PHF21A: variants seen among roughly 807,000 people sequenced by gnomAD.
PHF21A encodes the protein PHD finger protein 21A.
Under a neutral mutation model 82.5 loss-of-function variants are expected in PHF21A, and 11 were observed. The ratio of observed to expected loss-of-function variants is 0.13; its 90% CI spans 0.08 to 0.22. The LOEUF is 0.22. Ranked by LOEUF, PHF21A falls within the 10% of genes least tolerant of loss-of-function variation. PHF21A has a pLI of 1.00. For missense variants in PHF21A, 579 were observed against 837.8 expected (o/e 0.69, Z 3.81); for synonymous variants, 297 against 302.8 (o/e 0.98, Z 0.20).
At chr11:46,104,228 C>A (rs1279103029) in intron 1 of PHF21A, among the ~76,000 whole-genome samples, 1 of 152,110 alleles carries the variant, frequency 6.6e-6, no homozygotes, top group African/African-American at 2.4e-5. Context: ...AGTTGTTACA[C>A]CCAAGCATGA....
chr11:45,990,250 C>CTTT lies in PHF21A; in HGVS notation c.154-10287_154-10285dup, dbSNP rs201187984. 7.1e-5 allele frequency among the ~76,000 whole-genome samples: 4 copies of CTTT among 56,276 alleles called. 1 individual carries two copies. Among genetic ancestry groups the CTTT allele is most frequent in the Non-Finnish European group, 1.4e-4 (3 of 20,870 alleles). The allele number at this position is 56,276 out of a possible 152,430, so 36.9% of individuals were successfully genotyped here. A position where few individuals can be genotyped will look rare whatever the true frequency, so the allele number is the denominator to read the frequency against. ...AAATCATTTATAGCATTTTCATCTT[C>CTTT]TTTTTTTTTTTTTTTTTTTTTTTTT... is the stretch of plus-strand genomic sequence containing the variant. On this transcript the variant is annotated intron_variant, in intron 6 of 18. Transcript: ENST00000676320.
chr11:45,994,660 G>A (rs2094840154), intron 6 of PHF21A, among the ~76,000 whole-genome samples: 1 of 152,214 alleles, frequency 6.6e-6, no homozygotes, highest in South Asian at 2.1e-4. Context: ...GTAAGAACAA[G>A]ATGTCAGGGG....
At chr11:45,948,198 A>C (rs2091573707) in intron 14 of PHF21A, among the ~76,000 whole-genome samples, 2 of 152,204 alleles carry the variant, frequency 1.3e-5, no homozygotes, top group African/African-American at 4.8e-5. Flanking sequence ...TCAAACCCTG[A>C]GCTGTTAAGA....
intron 6 of PHF21A, among the ~76,000 whole-genome samples, chr11:46,057,703 C>T (rs946245765): frequency 6.6e-6 from 1 of 152,116 alleles, no homozygotes; most frequent in Admixed American, 6.6e-5. Flanking sequence ...CTAGAACTTA[C>T]CCTAGCTCAC....
chr11:45,960,876 T>C (rs2093032660), intron 10 of PHF21A, among the ~76,000 whole-genome samples: 1 of 152,212 alleles, frequency 6.6e-6, no homozygotes, highest in African/African-American at 2.4e-5. Flanking sequence ...TTGGCAACTT[T>C]TAAAAACATC....
chr11:46,001,624 C>G (rs539190715), intron 6 of PHF21A, among the ~76,000 whole-genome samples: 159 of 152,196 alleles, frequency 1.0e-3, no homozygotes, highest in African/African-American at 3.8e-3. Context: ...TTCTTTTCCC[C>G]CATGCTTACA....
In PHF21A at chr11:46,076,770, G is replaced by A. The variant is rs774167900; in HGVS notation, c.137C>T (p.Ala46Val). The change falls in exon 6 of 19, where the codon GCT (alanine) becomes GTT (valine). Residue 46 changes from alanine (A) to valine (V), a missense_variant. Physicochemically the swap from Ala to Val is moderately conservative, Grantham distance 64. Coordinates refer to ENST00000676320, the MANE Select transcript of PHF21A (RefSeq NM_001352027.3). ...QLHELQAKITALSEKQKRVVE... is the reference protein window; with the variant it reads ...QLHELQAKITVLSEKQKRVVE... ...TTCCCCTACCTGTTTCTCACTCAAA[G>A]CTGTGATTTTGGCTTGGAGTTCATG... 2 of 1,612,364 alleles carry A rather than the reference G, an allele frequency of 1.2e-6. No homozygotes were observed. Among genetic ancestry groups the A allele is most frequent in the Non-Finnish European group, 1.7e-6 (2 of 1,178,798 alleles).
chr11:45,982,662 T>C (rs2094345834), intron 6 of PHF21A, among the ~76,000 whole-genome samples: 1 of 152,158 alleles, frequency 6.6e-6, no homozygotes, highest in African/African-American at 2.4e-5. Context: ...AATTAAGTAA[T>C]TATTTAGAGT....
At chr11:46,054,883 C>T (rs898488324) in intron 6 of PHF21A, among the ~76,000 whole-genome samples, 3 of 152,064 alleles carry the variant, frequency 2.0e-5, no homozygotes, top group African/African-American at 4.8e-5. Flanking sequence ...TAACCAGTAA[C>T]GACTAGGACC....
intron 6 of PHF21A, among the ~76,000 whole-genome samples, chr11:46,067,385 A>G (rs1354082270): frequency 6.6e-6 from 1 of 152,224 alleles, no homozygotes; most frequent in Non-Finnish European, 1.5e-5. Flanking sequence ...GTGACGTAGT[A>G]ACATTGCAGA....
At position 46,047,372 on chromosome 11, in the gene PHF21A, T is replaced by C. The variant is rs77892629; in HGVS notation, c.153+29382A>G. Among the ~76,000 whole-genome samples, 178 of 152,324 alleles carry C rather than the reference T, an allele frequency of 1.2e-3. 4 individuals carry two copies. The East Asian group carries it at 0.03, about 25-fold the overall frequency. Reference sequence around the variant, plus strand: ...CTCCTTGATGGTTTATCATGAAGCATTTTTATAGGCTGGTAAGGTATTTTA... The same window carrying C: ...CTCCTTGATGGTTTATCATGAAGCACTTTTATAGGCTGGTAAGGTATTTTA... On this transcript the variant is annotated intron_variant, in intron 6 of 18. Transcript: ENST00000676320.
chr11:45,979,816 G>T lies in PHF21A; in HGVS notation c.304C>A (p.His102Asn), dbSNP rs772466588. The change falls in exon 7 of 19, where the codon CAC becomes AAC. Residue 102 changes from histidine to asparagine, a missense_variant. His to Asn is a moderately conservative substitution (Grantham distance 68). Around this residue, in one of 3 missense-constraint regions of PHF21A, gnomAD observed 410 missense variants for 642.1 expected, o/e 0.64. Transcript: ENST00000676320. ...LQQLQQQQQYHHHHAQQSAAA... is the reference protein window; with the variant it reads ...LQQLQQQQQYNHHHAQQSAAA... ...GCTGACTGCTGGGCGTGGTGGTGGT[G>T]GTACTGCTGCTGTTGTTGTAGTTGC... is the stretch of plus-strand genomic sequence containing the variant. The T allele has an allele frequency of 6.2e-7, 1 of 1,614,034 alleles. No homozygotes were observed. The highest frequency in any genetic ancestry group is 8.5e-7 in the Non-Finnish European group (1 of 1,179,976).
rs1452859819 is a variant in PHF21A, at chr11:45,971,905, T to TTTTTATTTTTTTTTTTTTTTTA, written c.361-539_361-538insTAAAAAAAAAAAAAAAATAAAA. On this transcript the variant is annotated intron_variant, in intron 7 of 18. Coordinates refer to ENST00000676320, the MANE Select transcript of PHF21A (RefSeq NM_001352027.3). ...CTTTTTCTTTCTTTTTTTTTTTTTT[T>TTTTTATTTTTTTTTTTTTTTTA]ATGGTGTCACCCTGGAGAGAAGGAA... is the stretch of plus-strand genomic sequence containing the variant. Among the ~76,000 whole-genome samples, 2 of 89,940 alleles carry TTTTTATTTTTTTTTTTTTTTTA rather than the reference T, an allele frequency of 2.2e-5. 1 individual carries two copies. The highest frequency in any genetic ancestry group is 8.3e-5 in the African/African-American group (2 of 23,968). 59.0% of individuals were successfully genotyped at this position (89,940 alleles called of 152,430 possible). A position where few individuals can be genotyped will look rare whatever the true frequency, so the allele number is the denominator to read the frequency against.
intron 2 of PHF21A, among the ~76,000 whole-genome samples, chr11:46,091,816 T>C (rs2135467435): frequency 7.9e-6 from 1 of 127,074 alleles, no homozygotes; most frequent in Admixed American, 8.5e-5. Context: ...GCTTCCTAAG[T>C]AACTGGAGCT....
At position 45,933,962 on chromosome 11, in the gene PHF21A, GCT is replaced by G; in HGVS notation, c.*4_*5del. The G allele has an allele frequency of 4.6e-6, 7 of 1,533,360 alleles. No homozygotes were observed. The highest frequency in any genetic ancestry group is 6.1e-6 in the Non-Finnish European group (7 of 1,142,108). 95.0% of individuals were successfully genotyped at this position (1,533,360 alleles called of 1,614,324 possible). ...GGATCCCGTGGCTTCTCCTAGAGGG[GCT>G]CTGTTATTTAGTCTCTTCCCCCTGG... On this transcript the variant is annotated 3_prime_UTR_variant, in exon 19 of 19. Transcript: ENST00000676320.
intron 18 of PHF21A, chr11:45,935,146 C>A: frequency 7.8e-7 from 1 of 1,289,438 alleles, no homozygotes; most frequent in Non-Finnish European, 1.0e-6. Context: ...CTAGAAAGCC[C>A]GCTTCCTCAC....
intron 4 of PHF21A, 115 bp downstream of exon 4, chr11:46,084,051 G>T: frequency 1.4e-6 from 1 of 732,348 alleles, no homozygotes; most frequent in Non-Finnish European, 2.1e-6. Flanking sequence ...ATGACTCTTG[G>T]ACAAAATTGT....
At chr11:45,967,457 C>G (rs576202965) in intron 9 of PHF21A, among the ~76,000 whole-genome samples, 21 of 152,018 alleles carry the variant, frequency 1.4e-4, no homozygotes, top group South Asian at 1.0e-3. Context: ...AGTGGGGTGA[C>G]TCTCATAACT....
At chr11:45,997,345 T>C (rs1350523337) in intron 6 of PHF21A, among the ~76,000 whole-genome samples, 2 of 152,172 alleles carry the variant, frequency 1.3e-5, no homozygotes, top group Non-Finnish European at 2.9e-5. Context: ...ATATCAGAAG[T>C]GTACTTGCAA....
Sources: allele counts gnomAD v4.1 joint callset (sites outside exome capture counted in the v4.1 genomes callset), GRCh38; gene constraint gnomAD v4.1.1; regional missense constraint gnomAD v4.1.1; transcripts MANE v1.5; gene names NCBI Gene and HGNC (gene_info 2026-07-23, HGNC 2026-07-21).